The following TAFA2 variants were observed in gnomAD, a reference collection of about 807,000 sequenced individuals.
TAFA2 encodes the protein TAFA chemokine like family member 2.
A neutral mutation model predicts 18.8 loss-of-function variants in TAFA2; 7 were observed. The ratio of observed to expected loss-of-function variants is 0.37; its 90% CI spans 0.21 to 0.70. The LOEUF (loss-of-function observed/expected upper bound fraction) is 0.70. Ranked by LOEUF, TAFA2 falls within the 30% of genes least tolerant of loss-of-function variation. The pLI is 0.53. For missense variants in TAFA2, 122 were observed against 158.1 expected (o/e 0.77, Z 1.23); for synonymous variants, 60 against 54.2 (o/e 1.11, Z -0.47).
At chr12:61,895,639 T>A (rs1006770228) in intron 1 of TAFA2, among the ~76,000 whole-genome samples, 1 of 152,196 alleles carries the variant, frequency 6.6e-6, no homozygotes, top group Non-Finnish European at 1.5e-5. Context: ...ACAGTTCAGA[T>A]GTTTGGCAAT....
chr12:62,245,857 T>A (rs1008799778), intron 1 of TAFA2, among the ~76,000 whole-genome samples: 1 of 150,426 alleles, frequency 6.6e-6, no homozygotes, highest in African/African-American at 2.4e-5. Flanking sequence ...CTGTAGCTTA[T>A]TCTGTTGTAC....
intron 1 of TAFA2, among the ~76,000 whole-genome samples, chr12:62,159,766 C>CA (rs2062394041): frequency 6.6e-6 from 1 of 152,078 alleles, no homozygotes; most frequent in South Asian, 2.1e-4. Context: ...GTGTATACTG[C>CA]TCGGGTGATG....
At chr12:61,959,045 T>G (rs1278799466) in intron 1 of TAFA2, among the ~76,000 whole-genome samples, 1 of 152,054 alleles carries the variant, frequency 6.6e-6, no homozygotes, top group Non-Finnish European at 1.5e-5. Flanking sequence ...TCATATTCTC[T>G]TCTACTAATC....
intron 1 of TAFA2, among the ~76,000 whole-genome samples, chr12:62,168,864 G>A (rs1411639725): frequency 6.6e-6 from 1 of 150,468 alleles, no homozygotes; most frequent in Admixed American, 6.6e-5. Flanking sequence ...AACAAAACAG[G>A]CATATCAACA....
intron 1 of TAFA2, among the ~76,000 whole-genome samples, chr12:62,057,227 C>T (rs540248924): frequency 9.6e-4 from 146 of 152,252 alleles, no homozygotes; most frequent in Non-Finnish European, 1.6e-3. Context: ...AATTTTCCCC[C>T]TTTTGTTTAA....
intron 2 of TAFA2, among the ~76,000 whole-genome samples, chr12:61,784,776 C>T (rs1343951508): frequency 6.7e-6 from 1 of 149,724 alleles, no homozygotes; most frequent in Non-Finnish European, 1.5e-5. Flanking sequence ...TTTAAATTCT[C>T]TAATTTTTAA....
At chr12:62,027,875 C>T (rs1592558798) in intron 1 of TAFA2, among the ~76,000 whole-genome samples, 1 of 152,146 alleles carries the variant, frequency 6.6e-6, no homozygotes, top group Non-Finnish European at 1.5e-5. Context: ...GCTGCTTCTG[C>T]TCTACCAAAT....
chr12:61,812,392 T>C (rs1871907932), intron 2 of TAFA2, among the ~76,000 whole-genome samples: 1 of 151,330 alleles, frequency 6.6e-6, no homozygotes, highest in Admixed American at 6.6e-5. Context: ...ATCTGCCTTG[T>C]AAAAGTACTG....
chr12:61,986,603 C>T (rs907518876), intron 1 of TAFA2, among the ~76,000 whole-genome samples: 7 of 150,318 alleles, frequency 4.7e-5, no homozygotes, highest in Admixed American at 2.0e-4. Flanking sequence ...CCGGTCCAAA[C>T]GATCTAAGTT....
chr12:61,844,911 T>C (rs1198481948), intron 2 of TAFA2, among the ~76,000 whole-genome samples: 1 of 152,086 alleles, frequency 6.6e-6, no homozygotes, highest in Non-Finnish European at 1.5e-5. Context: ...TATATATATA[T>C]ATGTGAATAT....
At chr12:61,974,873 G>A (rs567100233) in intron 1 of TAFA2, among the ~76,000 whole-genome samples, 2 of 151,842 alleles carry the variant, frequency 1.3e-5, no homozygotes, top group South Asian at 4.1e-4. Context: ...ATCTCCTAGG[G>A]TGAGTTCATC....
intron 4 of TAFA2, among the ~76,000 whole-genome samples, chr12:61,749,824 G>C (rs34586287): frequency 0.28 from 42,261 of 151,924 alleles, 6,614 homozygotes; most frequent in South Asian, 0.38. Flanking sequence ...AGTTAGGTAA[G>C]AGACCAAGTT....
intron 1 of TAFA2, among the ~76,000 whole-genome samples, chr12:61,869,814 C>G (rs1189005374): frequency 6.6e-6 from 1 of 151,974 alleles, no homozygotes; most frequent in African/African-American, 2.4e-5. Context: ...CTCTTTTTTT[C>G]TACATTTTTT....
chr12:61,832,390 G>A (rs1409269803), intron 2 of TAFA2, among the ~76,000 whole-genome samples: 2 of 151,978 alleles, frequency 1.3e-5, no homozygotes, highest in African/African-American at 4.8e-5. Flanking sequence ...CATACTCCCA[G>A]CTGAACCCAG....
intron 2 of TAFA2, among the ~76,000 whole-genome samples, chr12:61,845,975 A>C (rs1378305882): frequency 1.3e-5 from 2 of 152,194 alleles, no homozygotes; most frequent in Admixed American, 1.3e-4. Context: ...GTTTAGCCAC[A>C]GAATTCATTT....
At chr12:62,138,140 A>T (rs1264528874) in intron 1 of TAFA2, among the ~76,000 whole-genome samples, 1 of 152,122 alleles carries the variant, frequency 6.6e-6, no homozygotes, top group Non-Finnish European at 1.5e-5. Context: ...CACATCAGCC[A>T]GGTGTGGTGG....
At chr12:61,710,884 A>G (rs1869369759) in intron 4 of TAFA2, among the ~76,000 whole-genome samples, 1 of 152,106 alleles carries the variant, frequency 6.6e-6, no homozygotes, top group Non-Finnish European at 1.5e-5. Context: ...TTTTTGAAAT[A>G]GTTTAAAAAT....
chr12:61,832,473 C>A (rs1359162770), intron 2 of TAFA2, among the ~76,000 whole-genome samples: 1 of 152,054 alleles, frequency 6.6e-6, no homozygotes, highest in African/African-American at 2.4e-5. Flanking sequence ...TCATTCAAGT[C>A]ACTCCAAGCC....
intron 2 of TAFA2, among the ~76,000 whole-genome samples, chr12:61,785,285 CAGG>C (rs1870681402): frequency 6.8e-6 from 1 of 147,712 alleles, no homozygotes; most frequent in African/African-American, 2.5e-5. Flanking sequence ...CTACAAATGA[CAGG>C]AGTTTATTCC....
Sources: gnomAD v4.1 joint callset for allele counts (sites outside exome capture counted in the v4.1 genomes callset) on GRCh38, gnomAD v4.1.1 for gene constraint, MANE v1.5 for transcripts, NCBI Gene and HGNC (gene_info 2026-07-23, HGNC 2026-07-21) for gene names.